The following CDH22 variants were observed in gnomAD, a reference collection of about 807,000 sequenced individuals.
CDH22 encodes the protein cadherin-22.
A neutral mutation model predicts 58.4 loss-of-function variants in CDH22; 30 were observed. The observed-to-expected ratio is 0.51, with a 90% confidence interval of 0.38 to 0.70. The LOEUF (loss-of-function observed/expected upper bound fraction) is 0.70. Among genes scored for constraint, CDH22 ranks in the 30% least tolerant of loss-of-function variants. CDH22 has a pLI of 0.00. For missense variants in CDH22, 1,014 were observed against 1,233.9 expected (o/e 0.82, Z 2.67); for synonymous variants, 513 against 558.2 (o/e 0.92, Z 1.14).
chr20:46,242,281 C>T (rs997434381), intron 2 of CDH22, among the ~76,000 whole-genome samples: 5 of 152,172 alleles, frequency 3.3e-5, no homozygotes, highest in African/African-American at 1.2e-4. Flanking sequence ...ACTGGAAGAG[C>T]TGGTCTGACT....
In CDH22 at chr20:46,186,646, A is replaced by G. The variant is rs1358518149; in HGVS notation, c.1605T>C (p.Tyr535=). The change falls in exon 10 of 12, where the codon TAT becomes TAC. Residue 535 remains tyrosine (Y), a synonymous_variant. Transcript: ENST00000537909. ...RDEPQGGHRF[Y]FRLVPEAPSN... ...TGGGAGCTTCAGGCACCAGGCGGAAATAGAAGCGGTGCCCGCCTTGGGGCT... is the reference window on the plus strand; with the variant it reads ...TGGGAGCTTCAGGCACCAGGCGGAAGTAGAAGCGGTGCCCGCCTTGGGGCT... 1.2e-6 allele frequency: 2 copies of G among 1,613,486 alleles called. No homozygotes were observed. Among genetic ancestry groups the G allele is most frequent in the African/African-American group, 1.3e-5 (1 of 74,882 alleles).
intron 2 of CDH22, among the ~76,000 whole-genome samples, chr20:46,249,422 C>A: frequency 6.6e-6 from 1 of 152,202 alleles, no homozygotes; most frequent in Non-Finnish European, 1.5e-5. Context: ...TCTGTCAAAT[C>A]CTTGCTCAGC....
At chr20:46,257,837 G>T (rs1175792540) in intron 1 of CDH22, among the ~76,000 whole-genome samples, 1 of 152,154 alleles carries the variant, frequency 6.6e-6, no homozygotes, top group African/African-American at 2.4e-5. Context: ...ACTAAATGCT[G>T]GGGGACCACA....
At chr20:46,228,217 G>A (rs2086194042) in intron 3 of CDH22, among the ~76,000 whole-genome samples, 1 of 150,980 alleles carries the variant, frequency 6.6e-6, no homozygotes, top group Admixed American at 6.6e-5. Flanking sequence ...GGGGGTCAGA[G>A]GCCAGTGTCT....
At chr20:46,265,338 A>T (rs1181266032) in intron 1 of CDH22, among the ~76,000 whole-genome samples, 1 of 151,932 alleles carries the variant, frequency 6.6e-6, no homozygotes, top group African/African-American at 2.4e-5. Flanking sequence ...TCTACTTTTC[A>T]TAATTAATTA....
chr20:46,290,334 T>C (rs1160479690), intron 1 of CDH22, among the ~76,000 whole-genome samples: 1 of 152,214 alleles, frequency 6.6e-6, no homozygotes, highest in African/African-American at 2.4e-5. Context: ...ATGTTTCTGG[T>C]TGTCACAACT....
In CDH22 at chr20:46,251,542, C is replaced by A. The variant is rs995873962; in HGVS notation, c.-248G>T. 8 of 310,570 alleles carry A rather than the reference C, an allele frequency of 2.6e-5. No individual in the cohort carries two copies. The allele number at this position is 310,570 out of a possible 1,614,324, so 19.2% of individuals were successfully genotyped here. ...ATGGACAGCCCCCGGGGTGCCCGCC[C>A]GCGCCCCCGTCGCCGCGTCGCGTGC... On this transcript the variant is annotated 5_prime_UTR_variant, in exon 2 of 12. Transcript: ENST00000537909. This position sits in a 1 kb window ranked among gnomAD's most constrained non-coding sequence, Gnocchi z 6.7.
intron 1 of CDH22, among the ~76,000 whole-genome samples, chr20:46,284,771 G>A (rs770631511): frequency 1.3e-5 from 2 of 152,172 alleles, no homozygotes; most frequent in African/African-American, 4.8e-5. Context: ...TGTCCCTCCA[G>A]GCCGCCTCTG....
intron 1 of CDH22, among the ~76,000 whole-genome samples, chr20:46,306,228 C>T (rs1039033829): frequency 4.6e-5 from 7 of 152,254 alleles, no homozygotes; most frequent in Non-Finnish European, 1.0e-4. Context: ...TTGCCCCAGG[C>T]CTACCCAACA....
chr20:46,183,749 T>C (rs1409090304), intron 10 of CDH22, among the ~76,000 whole-genome samples: 1 of 100,924 alleles, frequency 9.9e-6, no homozygotes, highest in Non-Finnish European at 2.0e-5. Flanking sequence ...CAGATGGGTC[T>C]GGCTTCAGAG....
At chr20:46,205,577 GT>G (rs1008360852) in intron 7 of CDH22, among the ~76,000 whole-genome samples, 1 of 152,142 alleles carries the variant, frequency 6.6e-6, no homozygotes, top group African/African-American at 2.4e-5. Context: ...TGGACTAGCT[GT>G]TTTTGATGAT....
intron 4 of CDH22, among the ~76,000 whole-genome samples, chr20:46,218,569 C>T (rs1488102976): frequency 1.3e-5 from 2 of 152,180 alleles, no homozygotes; most frequent in South Asian, 2.1e-4. Context: ...CCCTTACACA[C>T]ATGCACACTC....
rs773171009 is a variant in CDH22 at position 46,227,500 on chromosome 20, C to A, written c.670+8G>T. ...CGGCTCCGCCTCTGGCCCCGCCCTG[C>A]CCCTCACCGGTCTTGGGGTCCACGG... is the stretch of plus-strand genomic sequence containing the variant. On this transcript the variant is annotated splice_region_variant and intron_variant, in intron 4 of 11. Transcript: ENST00000537909. 1 of 1,584,080 alleles carries A rather than the reference C, an allele frequency of 6.3e-7. No homozygotes were observed.
chr20:46,265,852 C>A (rs2086456793), intron 1 of CDH22, among the ~76,000 whole-genome samples: 1 of 152,010 alleles, frequency 6.6e-6, no homozygotes, highest in Non-Finnish European at 1.5e-5. Context: ...CTTCTTCCTA[C>A]TTCTCTTCCT....
At chr20:46,199,302 C>A (rs1176898913) in intron 8 of CDH22, 121 bp downstream of exon 8, 2 of 1,206,888 alleles carry the variant, frequency 1.7e-6, no homozygotes, top group Non-Finnish European at 2.3e-6. Flanking sequence ...TTTGGCCCCT[C>A]CCCCGTGGGC....
intron 8 of CDH22, among the ~76,000 whole-genome samples, chr20:46,198,215 T>C (rs1368078185): frequency 6.6e-6 from 1 of 151,308 alleles, no homozygotes; most frequent in African/African-American, 2.4e-5. Context: ...CAGCCTTACT[T>C]ACCTGGATGC....
chr20:46,259,262 A>T (rs1251879999), intron 1 of CDH22, among the ~76,000 whole-genome samples: 1 of 152,268 alleles, frequency 6.6e-6, no homozygotes, highest in Non-Finnish European at 1.5e-5. Flanking sequence ...TGCACCTCAC[A>T]TGTACCATTT....
At chr20:46,223,705 C>CTTTCT (rs1568664196) in intron 4 of CDH22, among the ~76,000 whole-genome samples, 1 of 56,964 alleles carries the variant, frequency 1.8e-5, no homozygotes, top group East Asian at 3.8e-4. Context: ...TTCTTTCTTT[C>CTTTCT]TTTCTTTCTT....
Position 46,216,117 on chromosome 20 carries a change from C to T in CDH22, c.838+709G>A, listed in dbSNP as rs938096924. Among the ~76,000 whole-genome samples, 2 of 152,150 alleles carry T rather than the reference C, an allele frequency of 1.3e-5. No individual in the cohort carries two copies. Among genetic ancestry groups the T allele is most frequent in the Admixed American group, 6.5e-5 (1 of 15,278 alleles). ...CCGATAGGAATCAGCCCAGCTCCTG[C>T]GGCATTTAGTCCCTGCCAGCTTTGG... On this transcript the variant is annotated intron_variant, in intron 5 of 11. Transcript: ENST00000537909. The surrounding 1 kb of genome is among the most constrained non-coding windows in gnomAD (Gnocchi z 5.3).
Sources: allele counts gnomAD v4.1 joint callset (sites outside exome capture counted in the v4.1 genomes callset), GRCh38; gene constraint gnomAD v4.1.1; non-coding constraint Gnocchi (gnomAD v3.1); transcripts MANE v1.5; gene names NCBI Gene and HGNC (gene_info 2026-07-23, HGNC 2026-07-21).